The following ACYP2 variants were observed in gnomAD, a reference collection of about 807,000 sequenced individuals.
ACYP2 encodes the protein acylphosphatase-2.
A neutral mutation model predicts 11.2 loss-of-function variants in ACYP2; 12 were observed. That is an observed-to-expected ratio of 1.08 (90% CI 0.69 to 1.74). ACYP2 has a LOEUF of 1.74. Among genes scored for constraint, ACYP2 ranks in the 40% most tolerant of loss-of-function variants. The probability of loss-of-function intolerance (pLI) is 0.00; values close to 1 mark genes in which losing one functional copy is unlikely to be tolerated. For synonymous variants in ACYP2, 43 were observed against 32.2 expected (o/e 1.33, Z -1.13); for missense variants, 134 against 101.9 (o/e 1.31, Z -1.35).
At chr2:53,994,126 C>T (rs1028764284) in intron 2 of ACYP2, among the ~76,000 whole-genome samples, 3 of 151,758 alleles carry the variant, frequency 2.0e-5, no homozygotes, top group African/African-American at 7.3e-5. Flanking sequence ...GTCAGGAGAT[C>T]GAGACCATCC....
At chr2:54,141,988 T>C (rs1295816910) in intron 6 of ACYP2, 6 of 410,900 alleles carry the variant, frequency 1.5e-5, no homozygotes, top group Admixed American at 1.3e-4. Context: ...CTAATTTGTG[T>C]GTGTGTGTGT....
rs3066946 is a variant in ACYP2 at position 53,982,828 on chromosome 2, CTGTGTGTGTGTGTGTGTGTGTG to C, written c.62+9043_62+9064del. On this transcript the variant is annotated intron_variant, in intron 2 of 6. Transcript: ENST00000607452. Reference sequence around the variant, plus strand: ...CATACAACAAATCCTTCACACAAGACTGTGTGTGTGTGTGTGTGTGTGTGTGTGTGTGTGTGTGTGTGTGTGA... The same window carrying C: ...CATACAACAAATCCTTCACACAAGACTGTGTGTGTGTGTGTGTGTGTGTGA... Among the ~76,000 whole-genome samples, 188 of 140,618 alleles carry C rather than the reference CTGTGTGTGTGTGTGTGTGTGTG, an allele frequency of 1.3e-3. 2 individuals carry two copies. The highest frequency in any genetic ancestry group is 5.1e-3 in the African/African-American group (186 of 36,784). The allele number at this position is 140,618 out of a possible 152,430, so 92.3% of individuals were successfully genotyped here. A position where few individuals can be genotyped will look rare whatever the true frequency, so the allele number is the denominator to read the frequency against.
chr2:54,250,478 G>T (rs1687173368), intron 6 of ACYP2, among the ~76,000 whole-genome samples: 1 of 109,558 alleles, frequency 9.1e-6, no homozygotes, highest in African/African-American at 3.6e-5. Flanking sequence ...TGGGTGGGGT[G>T]GGGGGGGCGT....
intron 6 of ACYP2, among the ~76,000 whole-genome samples, chr2:54,290,866 A>AT (rs1425070436): frequency 9.2e-5 from 14 of 152,190 alleles, no homozygotes; most frequent in Admixed American, 9.2e-4. Context: ...TTCCTCAAAT[A>AT]TTGCTCTTCT....
At chr2:54,094,904 T>A (rs63208961) in intron 4 of ACYP2, among the ~76,000 whole-genome samples, 6 of 152,028 alleles carry the variant, frequency 3.9e-5, no homozygotes, top group Non-Finnish European at 7.4e-5. Context: ...TTTTTTTTTT[T>A]AATTGATCAT....
At chr2:54,301,388 C>T (rs1418547462) in intron 6 of ACYP2, among the ~76,000 whole-genome samples, 2 of 152,144 alleles carry the variant, frequency 1.3e-5, no homozygotes, top group Non-Finnish European at 2.9e-5. Context: ...CCCCCAATTC[C>T]CTTCTCCCTT....
At chr2:54,240,474 G>A (rs139585074) in intron 6 of ACYP2, among the ~76,000 whole-genome samples, 30 of 152,258 alleles carry the variant, frequency 2.0e-4, no homozygotes, top group African/African-American at 7.2e-4. Flanking sequence ...CTTTAGAGGT[G>A]TTTCTTTTTC....
In ACYP2 at chr2:54,297,115, G is replaced by GT. The variant is rs201846120; in HGVS notation, c.405-7562dup. ...CCTTGGGTGGGTGAACACTTTTCCTGTTTTTTTTTTTCATTCTTTTGCACA... is the reference window on the plus strand; with the variant it reads ...CCTTGGGTGGGTGAACACTTTTCCTGTTTTTTTTTTTTCATTCTTTTGCACA... On this transcript the variant is annotated intron_variant, in intron 6 of 6. Transcript: ENST00000607452. Among the ~76,000 whole-genome samples, 1,078 of 145,500 alleles carry GT rather than the reference G, an allele frequency of 7.4e-3. 13 individuals are homozygous for GT. Among genetic ancestry groups the GT allele is most frequent in the African/African-American group, 0.022 (895 of 39,978 alleles).
chr2:53,994,995 C>T (rs944107018), intron 2 of ACYP2, among the ~76,000 whole-genome samples: 1 of 152,118 alleles, frequency 6.6e-6, no homozygotes, highest in African/African-American at 2.4e-5. Context: ...TTTTCAACAC[C>T]GCTATGACAA....
chr2:54,039,817 TTTTG>T lies in ACYP2; in HGVS notation c.63-11139_63-11136del, dbSNP rs1382693904. ...GCTTCTGTGTTTTATATTTGTTTTC[TTTTG>T]TGTGTGTGTGTGTGTGTGTGTGTGT... On this transcript the variant is annotated intron_variant, in intron 2 of 6. Coordinates refer to ENST00000607452, the MANE Select transcript of ACYP2 (RefSeq NM_001320586.2). 2.8e-5 allele frequency among the ~76,000 whole-genome samples: 3 copies of T among 106,494 alleles called. No homozygotes were observed. In the East Asian group the frequency reaches 9.3e-4, roughly 33 times the overall value. The allele number at this position is 106,494 out of a possible 152,430, so 69.9% of individuals were successfully genotyped here.
At chr2:54,072,697 G>C (rs938416296) in intron 4 of ACYP2, among the ~76,000 whole-genome samples, 8 of 151,648 alleles carry the variant, frequency 5.3e-5, no homozygotes, top group Admixed American at 4.6e-4. Context: ...TGAGTAGCTG[G>C]GACTACAGGC....
chr2:54,069,007 G>A (rs937782087), intron 4 of ACYP2, among the ~76,000 whole-genome samples: 19 of 152,030 alleles, frequency 1.2e-4, no homozygotes, highest in Admixed American at 1.2e-3. Context: ...GCTCACTGTA[G>A]CTTCAAGCTC....
At chr2:54,000,949 A>G (rs1460340201) in intron 2 of ACYP2, among the ~76,000 whole-genome samples, 3 of 152,192 alleles carry the variant, frequency 2.0e-5, no homozygotes, top group Non-Finnish European at 2.9e-5. Context: ...TGAGCTGACA[A>G]TTTTAGTCCT....
chr2:54,256,775 G>A (rs999075107), intron 6 of ACYP2, among the ~76,000 whole-genome samples: 4 of 152,138 alleles, frequency 2.6e-5, no homozygotes, highest in African/African-American at 4.8e-5. Context: ...CCAAGTAGCC[G>A]GGATTACAGG....
chr2:54,275,515 A>G (rs1688516645), intron 6 of ACYP2, among the ~76,000 whole-genome samples: 1 of 152,218 alleles, frequency 6.6e-6, no homozygotes, highest in African/African-American at 2.4e-5. Context: ...AGGAGAGAAA[A>G]CATTTCTTTA....
chr2:54,046,636 G>A (rs989507029), intron 2 of ACYP2, among the ~76,000 whole-genome samples: 2 of 152,146 alleles, frequency 1.3e-5, no homozygotes, highest in East Asian at 3.8e-4. Flanking sequence ...ATGGGGATAA[G>A]GCCACAATGG....
rs192331200 is a variant in ACYP2, at chr2:54,095,341, C to G, written c.277+37981C>G. On this transcript the variant is annotated intron_variant, in intron 4 of 6. Coordinates refer to ENST00000607452, the MANE Select transcript of ACYP2 (RefSeq NM_001320586.2). The stretch of plus-strand genomic sequence containing the variant: ...CTCAATCTTTTCCCCACCTTTCCCC[C>G]ACTTCTATTCCACCAAACCGCCATT... Among the ~76,000 whole-genome samples the G allele has an allele frequency of 3.9e-5, 6 of 152,384 alleles. No homozygotes were observed. The East Asian group carries it at 1.2e-3, about 29-fold the overall frequency.
intron 6 of ACYP2, among the ~76,000 whole-genome samples, chr2:54,298,641 G>T (rs190442489): frequency 3.3e-5 from 5 of 152,338 alleles, no homozygotes; most frequent in African/African-American, 1.2e-4. Flanking sequence ...ACTGGAAGTG[G>T]GCATGAAGGT....
chr2:54,057,574 C>A (rs1455395806), intron 4 of ACYP2, among the ~76,000 whole-genome samples: 1 of 152,198 alleles, frequency 6.6e-6, no homozygotes, highest in African/African-American at 2.4e-5. Context: ...TAAGCACTGA[C>A]AGACTGTTCT....
Sources: allele counts gnomAD v4.1 joint callset (sites outside exome capture counted in the v4.1 genomes callset), GRCh38; gene constraint gnomAD v4.1.1; transcripts MANE v1.5; gene names NCBI Gene and HGNC (gene_info 2026-07-23, HGNC 2026-07-21).